The following NKAIN1 variants were observed in gnomAD, a reference collection of about 807,000 sequenced individuals.
NKAIN1 encodes sodium/potassium-transporting ATPase subunit beta-1-interacting protein 1.
NKAIN1 carries 13 observed loss-of-function variants against 31.6 expected under a neutral mutation model. The observed-to-expected ratio is 0.41, with a 90% CI of 0.27 to 0.65. The LOEUF (loss-of-function observed/expected upper bound fraction) is 0.65, where lower values mean the gene tolerates loss of function less well. Ranked by LOEUF, NKAIN1 falls within the 30% of genes least tolerant of loss-of-function variation. The probability of loss-of-function intolerance (pLI) is 0.30; values close to 1 mark genes in which losing one functional copy is unlikely to be tolerated. For missense variants in NKAIN1, 193 were observed against 262.2 expected, an observed-to-expected ratio of 0.74 and a Z score of 1.82; for synonymous variants, 104 against 109.0, an observed-to-expected ratio of 0.95 and a Z score of 0.28.
At chr1:31,221,690 TCCCA>T (rs1307136775) in intron 1 of NKAIN1, among the ~76,000 whole-genome samples, 1 of 151,994 alleles carries the variant, frequency 6.6e-6, no homozygotes, top group African/African-American at 2.4e-5. Context: ...CACCTCGGCC[TCCCA>T]AAGTGCTGGG....
At chr1:31,232,424 T>TATATATATATAGAGAG (rs1313157898) in intron 1 of NKAIN1, among the ~76,000 whole-genome samples, 8 of 16,914 alleles carry the variant, frequency 4.7e-4, no homozygotes, top group Non-Finnish European at 8.0e-4. Flanking sequence ...TATATATATA[T>TATATATATATAGAGAG]AGAGAGAGAG....
At chr1:31,203,962 G>A (rs2148356579) in intron 1 of NKAIN1, among the ~76,000 whole-genome samples, 1 of 152,296 alleles carries the variant, frequency 6.6e-6, no homozygotes, top group Non-Finnish European at 1.5e-5. Context: ...ACCCCCATGA[G>A]TCTGCCTGAG....
chr1:31,232,424 T>TATAGAGAGAG (rs1313157898), intron 1 of NKAIN1, among the ~76,000 whole-genome samples: 5 of 16,922 alleles, frequency 3.0e-4, no homozygotes, highest in African/African-American at 3.4e-4. Context: ...TATATATATA[T>TATAGAGAGAG]AGAGAGAGAG....
intron 1 of NKAIN1, among the ~76,000 whole-genome samples, chr1:31,204,300 G>A (rs904582612): frequency 6.6e-6 from 1 of 152,168 alleles, no homozygotes; most frequent in African/African-American, 2.4e-5. Flanking sequence ...TCTGGCTACA[G>A]GAGGAGGATG....
At chr1:31,223,230 G>A (rs917264755) in intron 1 of NKAIN1, among the ~76,000 whole-genome samples, 1 of 151,990 alleles carries the variant, frequency 6.6e-6, no homozygotes, top group African/African-American at 2.4e-5. Context: ...ACAAAAATTA[G>A]CTGGGCATGG....
intron 1 of NKAIN1, among the ~76,000 whole-genome samples, chr1:31,232,428 G>A (rs866560656): frequency 7.7e-5 from 1 of 13,054 alleles, no homozygotes; most frequent in Non-Finnish European, 1.4e-4. Flanking sequence ...TATATATAGA[G>A]AGAGAGAGAG....
intron 1 of NKAIN1, among the ~76,000 whole-genome samples, chr1:31,199,192 C>T (rs758771742): frequency 3.9e-5 from 6 of 152,162 alleles, no homozygotes; most frequent in South Asian, 2.1e-4. Flanking sequence ...CACTGAGGGA[C>T]GAGCTCTCCA....
chr1:31,218,016 T>TTTTCTCTTTCTTTCTTTC (rs1645526522), intron 1 of NKAIN1, among the ~76,000 whole-genome samples: 3 of 108,212 alleles, frequency 2.8e-5, no homozygotes, highest in Non-Finnish European at 5.3e-5. Context: ...GCAGCTACCA[T>TTTTCTCTTTCTTTCTTTC]TTTCTTTCTT....
intron 1 of NKAIN1, among the ~76,000 whole-genome samples, chr1:31,205,173 C>T (rs1008406863): frequency 1.3e-5 from 2 of 152,096 alleles, no homozygotes; most frequent in African/African-American, 2.4e-5. Flanking sequence ...GAGTCTCGCC[C>T]GGGCTGGAAT....
At chr1:31,190,092 G>C (rs933255481) in intron 1 of NKAIN1, among the ~76,000 whole-genome samples, 1 of 152,240 alleles carries the variant, frequency 6.6e-6, no homozygotes, top group African/African-American at 2.4e-5. Flanking sequence ...AACAGAAGAG[G>C]AGAGAAGAGG....
chr1:31,226,442 G>A (rs1645604950), intron 1 of NKAIN1, among the ~76,000 whole-genome samples: 1 of 152,138 alleles, frequency 6.6e-6, no homozygotes, highest in African/African-American at 2.4e-5. Flanking sequence ...AGGGACCCTG[G>A]GACTCCTTGA....
intron 1 of NKAIN1, among the ~76,000 whole-genome samples, chr1:31,191,232 A>C (rs10914310): frequency 0.023 from 3,455 of 151,678 alleles, 117 homozygotes; most frequent in African/African-American, 0.078. Context: ...CAGAGGCTGC[A>C]GTGAGCCAAG....
At chr1:31,238,186 C>T (rs1029562697) in intron 1 of NKAIN1, among the ~76,000 whole-genome samples, 5 of 152,184 alleles carry the variant, frequency 3.3e-5, no homozygotes, top group Admixed American at 1.3e-4. Context: ...CTGCCCAGGC[C>T]AGGTCTGTGG....
At chr1:31,198,954 G>A (rs934549354) in intron 1 of NKAIN1, among the ~76,000 whole-genome samples, 3 of 152,206 alleles carry the variant, frequency 2.0e-5, no homozygotes, top group Admixed American at 6.5e-5. Context: ...AGAAGGTAGC[G>A]TAGGGCCCAG....
At chr1:31,185,403 A>C in intron 2 of NKAIN1, 76 bp from the exon 3 acceptor site, 13 of 1,131,404 alleles carry the variant, frequency 1.1e-5, no homozygotes, top group Non-Finnish European at 1.7e-5. Flanking sequence ...GACAGAGCTC[A>C]GGGATGAGGA....
At chr1:31,217,863 G>A (rs1645525175) in intron 1 of NKAIN1, among the ~76,000 whole-genome samples, 1 of 152,102 alleles carries the variant, frequency 6.6e-6, no homozygotes, top group African/African-American at 2.4e-5. Flanking sequence ...CTGCAGGGAT[G>A]TTCTCTAGGG....
intron 1 of NKAIN1, among the ~76,000 whole-genome samples, chr1:31,208,639 G>T (rs59609640): frequency 0.21 from 11,404 of 54,676 alleles, 612 homozygotes; most frequent in Middle Eastern, 0.39. Flanking sequence ...TGGGGGGAGG[G>T]GGCCCTGGAA....
At position 31,181,682 on chromosome 1, in the gene NKAIN1, G is replaced by T; in HGVS notation, c.*21C>A. ...TGCGGTCAGCCCAGGGCGAGGCGCCGGGGTGGGCGCGGGGCAGAGGCTACC... is the reference window on the plus strand; with the variant it reads ...TGCGGTCAGCCCAGGGCGAGGCGCCTGGGTGGGCGCGGGGCAGAGGCTACC... On this transcript the variant is annotated 3_prime_UTR_variant, in exon 7 of 7. Coordinates refer to ENST00000373736, the MANE Select transcript of NKAIN1 (RefSeq NM_024522.3). 6.9e-7 allele frequency: 1 copy of T among 1,457,310 alleles called. No homozygotes were observed. The highest frequency in any genetic ancestry group is 1.4e-5 in the South Asian group (1 of 69,182). The allele number at this position is 1,457,310 out of a possible 1,614,324, so 90.3% of individuals were successfully genotyped here. A position where few individuals can be genotyped will look rare whatever the true frequency, so the allele number is the denominator to read the frequency against.
intron 1 of NKAIN1, among the ~76,000 whole-genome samples, chr1:31,225,218 G>T (rs889126660): frequency 6.6e-6 from 1 of 151,018 alleles, no homozygotes; most frequent in African/African-American, 2.4e-5. Context: ...AGTAGAGATG[G>T]GGTTTCACCA....
Sources: gnomAD v4.1 joint callset for allele counts (sites outside exome capture counted in the v4.1 genomes callset) on GRCh38, gnomAD v4.1.1 for gene constraint, MANE v1.5 for transcripts, NCBI Gene and HGNC (gene_info 2026-07-23, HGNC 2026-07-21) for gene names.